The following GRIK1 variants were observed in gnomAD, a reference collection of about 807,000 sequenced individuals.
GRIK1 encodes the protein glutamate ionotropic receptor kainate type subunit 1, also known as glutamate receptor ionotropic, kainate 1.
Under a neutral mutation model 105.7 loss-of-function variants are expected in GRIK1, and 69 were observed. The ratio of observed to expected loss-of-function variants is 0.65; its 90% confidence interval spans 0.54 to 0.80. The LOEUF (loss-of-function observed/expected upper bound fraction) is 0.80, where lower values mean the gene tolerates loss of function less well. Among genes scored for constraint, GRIK1 ranks in the 30% least tolerant of loss-of-function variants. The pLI is 0.00. For synonymous variants in GRIK1, 438 were observed against 431.3 expected, an observed-to-expected ratio of 1.02 and a Z score of -0.19; for missense variants, 1,109 against 1,167.3, an observed-to-expected ratio of 0.95 and a Z score of 0.73.
chr21:29,836,345 C>T (rs1361134589), intron 1 of GRIK1, among the ~76,000 whole-genome samples: 1 of 152,120 alleles, frequency 6.6e-6, no homozygotes, highest in Non-Finnish European at 1.5e-5. Flanking sequence ...TCTAGAAATG[C>T]TTATGATACA....
chr21:29,772,627 TA>T (rs769688287), intron 1 of GRIK1, among the ~76,000 whole-genome samples: 25 of 152,214 alleles, frequency 1.6e-4, no homozygotes, highest in Non-Finnish European at 2.6e-4. Context: ...ATTGCAGTTC[TA>T]AAATTTTCCT....
At chr21:29,806,490 T>C (rs1467975302) in intron 1 of GRIK1, among the ~76,000 whole-genome samples, 1 of 152,162 alleles carries the variant, frequency 6.6e-6, no homozygotes, top group African/African-American at 2.4e-5. Context: ...TGAAAATGAT[T>C]TTAAAACGTA....
chr21:29,694,155 C>T (rs9981962), intron 1 of GRIK1, 92 bp from the exon 2 acceptor site: 15,552 of 805,928 alleles, frequency 0.019, 774 homozygotes, highest in Admixed American at 0.13. Context: ...GACGGAGTCT[C>T]GCTCTGTCAC....
chr21:29,643,223 C>T lies in GRIK1; in HGVS notation c.955-254G>A, dbSNP rs363590. 0.05 allele frequency among the ~76,000 whole-genome samples: 7,615 copies of T among 152,144 alleles called. 645 individuals are homozygous for T. The highest frequency in any genetic ancestry group is 0.17 in the African/African-American group (7,229 of 41,454). On this transcript the variant is annotated intron_variant, in intron 6 of 17. Transcript: ENST00000327783. ...AAAAAATAAAGCAACCCAGATCAGC[C>T]ACAAAAGACTTGATTCAAGGAACAA...
At chr21:29,600,882 G>A (rs750540769) in intron 7 of GRIK1, among the ~76,000 whole-genome samples, 3 of 152,078 alleles carry the variant, frequency 2.0e-5, no homozygotes, top group Admixed American at 1.3e-4. Flanking sequence ...CCAGATTCAC[G>A]GTCCCCAAGT....
intron 5 of GRIK1, among the ~76,000 whole-genome samples, chr21:29,654,235 G>C (rs1461252392): frequency 5.3e-5 from 8 of 152,100 alleles, no homozygotes; most frequent in Non-Finnish European, 1.2e-4. Context: ...CATTCTCCAT[G>C]ATCAGATAGT....
At position 29,939,363 on chromosome 21, in the gene GRIK1, G is replaced by A; in HGVS notation, c.118+20C>T. On this transcript the variant is annotated intron_variant, in intron 1 of 17. Transcript: ENST00000327783. ...GCGACCGACCACGTCTCCCGAGCAGGCAGCCTGGGGCTCACTCACCGATCC... is the reference window on the plus strand; with the variant it reads ...GCGACCGACCACGTCTCCCGAGCAGACAGCCTGGGGCTCACTCACCGATCC... The A allele has an allele frequency of 7.3e-7, 1 of 1,366,616 alleles. No individual in the cohort carries two copies. Among genetic ancestry groups the A allele is most frequent in the East Asian group, 2.5e-5 (1 of 39,760 alleles). The allele number at this position is 1,366,616 out of a possible 1,614,324, so 84.7% of individuals were successfully genotyped here. A position where few individuals can be genotyped will look rare whatever the true frequency, so the allele number is the denominator to read the frequency against.
intron 1 of GRIK1, among the ~76,000 whole-genome samples, chr21:29,908,826 A>G (rs1300508871): frequency 6.6e-6 from 1 of 152,194 alleles, no homozygotes; most frequent in Non-Finnish European, 1.5e-5. Flanking sequence ...CTCTTTTAAG[A>G]GTGACACTTT....
At chr21:29,674,657 G>GCT (rs906735919) in intron 3 of GRIK1, among the ~76,000 whole-genome samples, 9 of 150,862 alleles carry the variant, frequency 6.0e-5, no homozygotes, top group South Asian at 2.1e-4. Context: ...TTCCCCCCTT[G>GCT]CTCTCTCTCT....
chr21:29,682,658 A>T (rs1014850223), intron 3 of GRIK1, among the ~76,000 whole-genome samples: 2 of 152,220 alleles, frequency 1.3e-5, no homozygotes, highest in Admixed American at 1.3e-4. Context: ...TTTAAGTGTA[A>T]GACCTCAAAC....
At chr21:29,775,233 G>C (rs551062422) in intron 1 of GRIK1, among the ~76,000 whole-genome samples, 3 of 138,100 alleles carry the variant, frequency 2.2e-5, no homozygotes, top group African/African-American at 8.3e-5. Context: ...CAGAGATTGC[G>C]CCACTGCACT....
At chr21:29,788,683 T>C (rs398989) in intron 1 of GRIK1, among the ~76,000 whole-genome samples, 123,304 of 152,194 alleles carry the variant, frequency 0.81, 50,661 homozygotes, top group Non-Finnish European at 0.88. Flanking sequence ...CTTACCATAA[T>C]GCAGAAATCA....
chr21:29,651,073 G>A (rs1029574941), intron 6 of GRIK1, 45 bp downstream of exon 6: 4 of 1,408,308 alleles, frequency 2.8e-6, no homozygotes, highest in East Asian at 2.3e-5. Flanking sequence ...AACCCCGAAG[G>A]CATTCAAATA....
intron 16 of GRIK1, among the ~76,000 whole-genome samples, chr21:29,541,819 T>TATAC (rs1428711291): frequency 4.4e-5 from 3 of 67,442 alleles, no homozygotes; most frequent in Admixed American, 2.2e-4. Flanking sequence ...TATTGTGCTT[T>TATAC]ATACATAGGC....
chr21:29,658,737 C>T (rs2062903843), intron 4 of GRIK1, among the ~76,000 whole-genome samples: 1 of 152,118 alleles, frequency 6.6e-6, no homozygotes, highest in South Asian at 2.1e-4. Context: ...GTCATTAGTA[C>T]TGTTTTTCCA....
At position 29,875,673 on chromosome 21, in the gene GRIK1, G is replaced by T. The variant is rs572514074; in HGVS notation, c.118+63710C>A. 9.9e-5 allele frequency among the ~76,000 whole-genome samples: 15 copies of T among 152,026 alleles called. No homozygotes were observed. In the South Asian group the frequency reaches 3.1e-3, roughly 32 times the overall value. On this transcript the variant is annotated intron_variant, in intron 1 of 17. Coordinates refer to ENST00000327783, the MANE Select transcript of GRIK1 (RefSeq NM_001330994.2). The stretch of plus-strand genomic sequence containing the variant: ...CACCATGACCCAAATACCATACTGA[G>T]CCCTTCATATGTTTATTTTAGTTTA...
intron 16 of GRIK1, among the ~76,000 whole-genome samples, chr21:29,538,914 G>A (rs1601058841): frequency 6.6e-6 from 1 of 152,174 alleles, no homozygotes; most frequent in East Asian, 1.9e-4. Context: ...TCAAAACCAG[G>A]CCTAGAATTT....
chr21:29,651,979 A>G (rs568736091), intron 5 of GRIK1, among the ~76,000 whole-genome samples: 22 of 152,128 alleles, frequency 1.4e-4, no homozygotes, highest in Non-Finnish European at 2.2e-4. Context: ...TTTCATTTTC[A>G]TCTGTTTTAT....
At chr21:29,923,071 TG>T (rs1213208561) in intron 1 of GRIK1, among the ~76,000 whole-genome samples, 2 of 152,202 alleles carry the variant, frequency 1.3e-5, no homozygotes, top group East Asian at 3.8e-4. Context: ...TATGCAAAAA[TG>T]AGTCTTTCCA....
Sources: gnomAD v4.1 joint callset for allele counts (sites outside exome capture counted in the v4.1 genomes callset) on GRCh38, gnomAD v4.1.1 for gene constraint, MANE v1.5 for transcripts, NCBI Gene and HGNC (gene_info 2026-07-23, HGNC 2026-07-21) for gene names.